The following LUZP2 variants were observed in gnomAD, a reference collection of about 807,000 sequenced individuals.
LUZP2 encodes the protein leucine zipper protein 2.
LUZP2 carries 52 observed loss-of-function variants against 51.6 expected under a neutral mutation model. The observed-to-expected ratio is 1.01, with a 90% confidence interval of 0.81 to 1.27. LUZP2 has a LOEUF of 1.27. Among genes scored for constraint, LUZP2 ranks in the 50% most tolerant of loss-of-function variants. The probability of loss-of-function intolerance (pLI) is 0.00; values close to 1 mark genes in which losing one functional copy is unlikely to be tolerated. For synonymous variants in LUZP2, 154 were observed against 137.3 expected (o/e 1.12, Z -0.85); for missense variants, 436 against 395.4 (o/e 1.10, Z -0.87).
At chr11:24,877,481 A>G (rs550444361) in intron 5 of LUZP2, among the ~76,000 whole-genome samples, 400 of 152,216 alleles carry the variant, frequency 2.6e-3, no homozygotes, top group African/African-American at 8.8e-3. Context: ...TAGTAAGTAT[A>G]TATATTTGTG....
intron 9 of LUZP2, among the ~76,000 whole-genome samples, chr11:24,996,336 A>G (rs1338457847): frequency 2.6e-5 from 4 of 151,090 alleles, no homozygotes; most frequent in African/African-American, 7.3e-5. Flanking sequence ...CCAATTAACT[A>G]CTTGTAAAAC....
rs193017744 is a variant in LUZP2 at position 24,563,324 on chromosome 11, A to G, written c.62+66019A>G. ...ATGAAAAAGGACAAAATGTTGGCTT[A>G]TGTTTTATGACATTGAGAATTTTCA... is the stretch of plus-strand genomic sequence containing the variant. On this transcript the variant is annotated intron_variant, in intron 1 of 11. Transcript: ENST00000336930. Among the ~76,000 whole-genome samples the G allele has an allele frequency of 1.8e-3, 274 of 152,322 alleles. 2 individuals carry two copies. The highest frequency in any genetic ancestry group is 6.2e-3 in the African/African-American group (256 of 41,586).
chr11:24,531,874 C>G (rs935457776), intron 1 of LUZP2, among the ~76,000 whole-genome samples: 1 of 150,900 alleles, frequency 6.6e-6, no homozygotes, highest in East Asian at 1.9e-4. Context: ...TTTGCCTCAT[C>G]ATCACCCTTA....
intron 10 of LUZP2, among the ~76,000 whole-genome samples, chr11:25,056,855 C>T (rs1420067715): frequency 6.6e-6 from 1 of 152,132 alleles, no homozygotes; most frequent in Non-Finnish European, 1.5e-5. Context: ...AATCCCGGCG[C>T]TTTGGGAGCC....
At chr11:25,014,948 C>T (rs1006845847) in intron 9 of LUZP2, among the ~76,000 whole-genome samples, 18 of 152,074 alleles carry the variant, frequency 1.2e-4, no homozygotes, top group African/African-American at 4.3e-4. Flanking sequence ...GGAAGGGATC[C>T]AGTTTCAGCT....
chr11:25,005,451 C>T (rs905579037), intron 9 of LUZP2, among the ~76,000 whole-genome samples: 1 of 152,030 alleles, frequency 6.6e-6, no homozygotes, highest in Non-Finnish European at 1.5e-5. Context: ...CCTTTTTTCC[C>T]CATCAGAGAG....
chr11:24,923,541 A>G, intron 7 of LUZP2, among the ~76,000 whole-genome samples: 1 of 152,098 alleles, frequency 6.6e-6, no homozygotes, highest in East Asian at 2.0e-4. Flanking sequence ...TATTAAAAAT[A>G]CAAAAATTAG....
intron 5 of LUZP2, chr11:24,890,874 T>G (rs1852830634): frequency 1.0e-6 from 1 of 964,340 alleles, no homozygotes; most frequent in African/African-American, 1.8e-5. Flanking sequence ...TTAGGGCCAT[T>G]TACAGGAGGA....
chr11:24,785,781 A>C, intron 5 of LUZP2: 1 of 717,218 alleles, frequency 1.4e-6, no homozygotes. Context: ...AAGAGATGTC[A>C]GACAGCATTT....
chr11:24,650,011 A>G (rs188921084), intron 1 of LUZP2, among the ~76,000 whole-genome samples: 16 of 151,262 alleles, frequency 1.1e-4, no homozygotes, highest in African/African-American at 3.9e-4. Context: ...ACACACAGAT[A>G]ACATTTTGAT....
At chr11:24,673,624 G>T (rs545792966) in intron 1 of LUZP2, among the ~76,000 whole-genome samples, 1 of 152,260 alleles carries the variant, frequency 6.6e-6, no homozygotes, top group Non-Finnish European at 1.5e-5. Context: ...TCCAAATTCA[G>T]CAATATTGAC....
At chr11:25,072,406 A>C (rs1173092600) in intron 10 of LUZP2, among the ~76,000 whole-genome samples, 1 of 152,114 alleles carries the variant, frequency 6.6e-6, no homozygotes, top group Non-Finnish European at 1.5e-5. Flanking sequence ...TGAATGATTA[A>C]AGTATAGAAC....
intron 9 of LUZP2, among the ~76,000 whole-genome samples, chr11:25,017,143 G>GT (rs1167299493): frequency 6.6e-6 from 1 of 152,034 alleles, no homozygotes; most frequent in Non-Finnish European, 1.5e-5. Flanking sequence ...TTGCTGATTT[G>GT]TTTAAGTTCC....
intron 5 of LUZP2, among the ~76,000 whole-genome samples, chr11:24,803,566 G>C (rs1849758579): frequency 6.6e-6 from 1 of 152,006 alleles, no homozygotes. Context: ...CAGCTAAAAT[G>C]GGAAAACAAC....
At chr11:24,957,024 G>C (rs1225082637) in intron 7 of LUZP2, among the ~76,000 whole-genome samples, 1 of 152,064 alleles carries the variant, frequency 6.6e-6, no homozygotes, top group African/African-American at 2.4e-5. Flanking sequence ...CATTACAATG[G>C]GAGACAATGT....
chr11:25,013,366 A>G (rs1164929228), intron 9 of LUZP2, among the ~76,000 whole-genome samples: 3 of 152,166 alleles, frequency 2.0e-5, no homozygotes, highest in African/African-American at 7.2e-5. Context: ...GACAACCTAG[A>G]TACCCTGACC....
At chr11:25,032,782 T>C (rs545701172) in intron 9 of LUZP2, among the ~76,000 whole-genome samples, 1 of 152,300 alleles carries the variant, frequency 6.6e-6, no homozygotes, top group East Asian at 1.9e-4. Context: ...TGAATTCCCA[T>C]AGTTTGTTGC....
chr11:24,826,466 T>G (rs186864040), intron 5 of LUZP2, among the ~76,000 whole-genome samples: 201 of 151,734 alleles, frequency 1.3e-3, no homozygotes, highest in African/African-American at 4.7e-3. Context: ...TCCTCAGAGT[T>G]GTAAATTCAC....
chr11:24,829,224 A>C (rs764855793), intron 5 of LUZP2, among the ~76,000 whole-genome samples: 2 of 152,154 alleles, frequency 1.3e-5, no homozygotes, highest in African/African-American at 2.4e-5. Context: ...AGACAGATGA[A>C]GGAAAGAGAG....
Sources: gnomAD v4.1 joint callset for allele counts (sites outside exome capture counted in the v4.1 genomes callset) on GRCh38, gnomAD v4.1.1 for gene constraint, MANE v1.5 for transcripts, NCBI Gene and HGNC (gene_info 2026-07-23, HGNC 2026-07-21) for gene names.